C4orf51: variants seen among roughly 807,000 people sequenced by gnomAD.
C4orf51 encodes the protein chromosome 4 open reading frame 51.
C4orf51 carries 25 observed loss-of-function variants against 25.2 expected under a neutral mutation model. That is an observed-to-expected ratio of 0.99 (90% confidence interval 0.72 to 1.39). The LOEUF is 1.39. Among genes scored for constraint, C4orf51 ranks in the 40% most tolerant of loss-of-function variants. The probability of loss-of-function intolerance (pLI) is 0.00; values close to 1 mark genes in which losing one functional copy is unlikely to be tolerated. For missense variants in C4orf51, 252 were observed against 239.6 expected (o/e 1.05, Z -0.34); for synonymous variants, 100 against 84.5 (o/e 1.18, Z -1.01).
the C4orf51 span, among the ~76,000 whole-genome samples, chr4:145,779,884 A>G: frequency 1.3e-5 from 2 of 152,246 alleles, no homozygotes; most frequent in Admixed American, 1.3e-4. Context: ...GGCTCTTGCC[A>G]CAAGGCAGTA....
At chr4:145,758,556 T>C (rs1560875078), downstream of C4orf51, 1 of 152,004 alleles carries the variant, frequency 6.6e-6, no homozygotes, top group Non-Finnish European at 1.5e-5. Flanking sequence ...CATTCTCCAT[T>C]ATATGGGGAT....
chr4:145,787,942 A>G, the C4orf51 span, among the ~76,000 whole-genome samples: 1 of 152,180 alleles, frequency 6.6e-6, no homozygotes, highest in Non-Finnish European at 1.5e-5. Context: ...AAGATCAAGG[A>G]GGAATCTTAA....
At chr4:145,688,714 A>T (rs996330863) in intron 1 of C4orf51, among the ~76,000 whole-genome samples, 12 of 152,248 alleles carry the variant, frequency 7.9e-5, no homozygotes. Context: ...TCTTTATAGC[A>T]GTGTGAAAAT....
chr4:145,747,110 G>T (rs1446058888), intron 1 of C4orf51, among the ~76,000 whole-genome samples: 2 of 151,900 alleles, frequency 1.3e-5, no homozygotes, highest in African/African-American at 4.8e-5. Flanking sequence ...GTGGAGTCTA[G>T]GTTTTTTAAA....
At chr4:145,702,061 A>T (rs1730483500) in intron 2 of C4orf51, among the ~76,000 whole-genome samples, 1 of 151,880 alleles carries the variant, frequency 6.6e-6, no homozygotes, top group African/African-American at 2.4e-5. Flanking sequence ...AATCACCCAT[A>T]CCCCACTCAA....
intron 1 of C4orf51, among the ~76,000 whole-genome samples, chr4:145,743,052 A>G (rs1011122815): frequency 5.9e-5 from 9 of 152,314 alleles, no homozygotes; most frequent in Non-Finnish European, 1.2e-4. Flanking sequence ...GCTGACCCCA[A>G]GTTTTATAGG....
intron 1 of C4orf51, among the ~76,000 whole-genome samples, chr4:145,682,090 T>C (rs1578906677): frequency 6.6e-6 from 1 of 152,212 alleles, no homozygotes; most frequent in East Asian, 1.9e-4. Flanking sequence ...TGAAAATGTA[T>C]AGGACCTGGA....
the C4orf51 span, among the ~76,000 whole-genome samples, chr4:145,790,400 T>C: frequency 1.3e-5 from 2 of 152,174 alleles, no homozygotes; most frequent in Non-Finnish European, 2.9e-5. Context: ...AATACTCTAA[T>C]ATTCTAGAAA....
chr4:145,724,978 G>A (rs914745416), intron 2 of C4orf51, among the ~76,000 whole-genome samples: 8 of 150,948 alleles, frequency 5.3e-5, no homozygotes, highest in African/African-American at 1.5e-4. Context: ...TGGGAGCTAA[G>A]CTATGAGGAT....
intron 1 of C4orf51, among the ~76,000 whole-genome samples, chr4:145,741,571 T>G (rs1733101369): frequency 6.6e-6 from 1 of 152,170 alleles, no homozygotes. Flanking sequence ...ATGCCACTAG[T>G]TTACTCTTCT....
At chr4:145,779,896 A>C in the C4orf51 span, among the ~76,000 whole-genome samples, 1 of 152,254 alleles carries the variant, frequency 6.6e-6, no homozygotes, top group Non-Finnish European at 1.5e-5. Context: ...AAGGCAGTAA[A>C]TAAAGAATTG....
chr4:145,691,175 C>T (rs1302714952), intron 1 of C4orf51, among the ~76,000 whole-genome samples: 1 of 152,022 alleles, frequency 6.6e-6, no homozygotes, highest in Admixed American at 6.6e-5. Flanking sequence ...AACAAGTGGC[C>T]AACAAACATG....
At chr4:145,730,905 A>G (rs1427837535) in intron 5 of C4orf51, among the ~76,000 whole-genome samples, 2 of 152,210 alleles carry the variant, frequency 1.3e-5, no homozygotes, top group Non-Finnish European at 2.9e-5. Flanking sequence ...GTCTATTTTA[A>G]TGATGCTCTT....
the C4orf51 span, among the ~76,000 whole-genome samples, chr4:145,786,883 C>T: frequency 6.6e-6 from 1 of 152,194 alleles, no homozygotes; most frequent in Admixed American, 6.5e-5. Flanking sequence ...ATTTCCAGCT[C>T]AGAGGATCTA....
At chr4:145,764,903 A>G (rs749015824) in intron 1 of C4orf51, 2 of 1,596,412 alleles carry the variant, frequency 1.3e-6, no homozygotes, top group Admixed American at 3.4e-5. Flanking sequence ...GACTCCCAAA[A>G]CCTTCACGGG....
rs1254067813 is a variant in C4orf51 at position 145,692,067 on chromosome 4, C to T, written c.234-4492C>T. 2.3e-5 allele frequency among the ~76,000 whole-genome samples: 3 copies of T among 131,066 alleles called. No individual in the cohort carries two copies. The East Asian group carries it at 7.1e-4, about 31-fold the overall frequency. 86.0% of individuals were successfully genotyped at this position (131,066 alleles called of 152,430 possible). ...TATGGATATTGTAGACCTAGCAATT[C>T]TACTCCAAGTGAAATGCACTTTCAC... On this transcript the variant is annotated intron_variant, in intron 1 of 5. Transcript: ENST00000438731.
intron 1 of C4orf51, among the ~76,000 whole-genome samples, chr4:145,746,179 A>T (rs1247858879): frequency 8.2e-6 from 1 of 121,230 alleles, no homozygotes; most frequent in African/African-American, 2.7e-5. Flanking sequence ...TTATCTCTTC[A>T]CTTTGTTTGT....
At chr4:145,745,693 GA>G (rs1406810930) in intron 1 of C4orf51, among the ~76,000 whole-genome samples, 16 of 152,142 alleles carry the variant, frequency 1.1e-4, no homozygotes, top group Admixed American at 1.0e-3. Flanking sequence ...TGGAAGTGCT[GA>G]TACCTCTTCA....
chr4:145,772,516 G>A (rs1736438957), downstream of C4orf51, among the ~76,000 whole-genome samples: 1 of 152,128 alleles, frequency 6.6e-6, no homozygotes, highest in Non-Finnish European at 1.5e-5. Flanking sequence ...TGAGCCTCCT[G>A]TTTTTATAAA....
Sources: gnomAD v4.1 joint callset for allele counts (sites outside exome capture counted in the v4.1 genomes callset) on GRCh38, gnomAD v4.1.1 for gene constraint, MANE v1.5 for transcripts, NCBI Gene and HGNC (gene_info 2026-07-23, HGNC 2026-07-21) for gene names.